GALNT4: variants seen among roughly 807,000 people sequenced by gnomAD.
GALNT4 encodes the protein polypeptide N-acetylgalactosaminyltransferase 4.
Under a neutral mutation model 45.1 loss-of-function variants are expected in GALNT4, and 23 were observed. The observed-to-expected ratio is 0.51, with a 90% CI of 0.37 to 0.72. The LOEUF is 0.72. Among genes scored for constraint, GALNT4 ranks in the 30% least tolerant of loss-of-function variants. GALNT4 has a pLI of 0.00. For synonymous variants in GALNT4, 264 were observed against 257.6 expected (o/e 1.02, Z -0.24); for missense variants, 757 against 709.0 (o/e 1.07, Z -0.77).
Position 89,520,576 on chromosome 12 carries a change from A to C in GALNT4, c.*2237T>G, listed in dbSNP as rs1870767214. On this transcript the variant is annotated 3_prime_UTR_variant, in exon 1 of 1. Transcript: ENST00000529983. The stretch of plus-strand genomic sequence containing the variant: ...GTGGAATCTGGACAATTTTTTGATA[A>C]ACTTTAAGGCTGCTAAATAATTTAC... 1 of 152,210 alleles carries C rather than the reference A, an allele frequency of 6.6e-6. No individual in the cohort carries two copies. The allele number at this position is 152,210 out of a possible 1,614,324, so 9.4% of individuals were successfully genotyped here.
rs748584112 is a variant in GALNT4, at chr12:89,524,447, A to AG, written c.102dup (p.Ser35LeufsTer31). 1 of 1,613,858 alleles carries AG rather than the reference A, an allele frequency of 6.2e-7. No homozygotes were observed. Among genetic ancestry groups the AG allele is most frequent in the Admixed American group, 1.7e-5 (1 of 60,026 alleles). ...TCCCTGGCACGGCCGGCTCCTGCGG[A>AG]GGCATGAAAAGTAGAGACCAAGAGC... is the stretch of plus-strand genomic sequence containing the variant. On this transcript the variant is annotated frameshift_variant, in exon 1 of 1. Transcript: ENST00000529983. LOFTEE classifies it high-confidence loss of function.
In GALNT4 at chr12:89,523,253, G is replaced by C; in HGVS notation, c.1297C>G (p.Pro433Ala). The change falls in exon 1 of 1, where the codon CCT (proline) becomes GCT (alanine). Residue 433 changes from proline (P) to alanine (A), a missense_variant. Physicochemically the swap from Pro to Ala is conservative, Grantham distance 27 (BLOSUM62 -1). Coordinates refer to ENST00000529983, the MANE Select transcript of GALNT4 (RefSeq NM_003774.5). ...CTATCCTCTGGAACATGTAAATTAG[G>C]AAAAACGTTTTTCAAATACCAGTCA... ...SFDWYLKNVF[P>A]NLHVPEDRPG... 6.2e-7 allele frequency: 1 copy of C among 1,614,028 alleles called. No homozygotes were observed. Among genetic ancestry groups the C allele is most frequent in the East Asian group, 2.2e-5 (1 of 44,886 alleles).
Position 89,522,774 on chromosome 12 carries a change from G to T in GALNT4, c.*39C>A, listed in dbSNP as rs774490320. ...GCTCTTAAGGCTCTTTGACTTTCTT[G>T]ACACTACTGTCAGCTCATGACGAAA... On this transcript the variant is annotated 3_prime_UTR_variant, in exon 1 of 1. Coordinates refer to ENST00000529983, the MANE Select transcript of GALNT4 (RefSeq NM_003774.5). The T allele has an allele frequency of 1.3e-6, 2 of 1,523,956 alleles. No individual in the cohort carries two copies. The highest frequency in any genetic ancestry group is 8.8e-7 in the Non-Finnish European group (1 of 1,140,092). The allele number at this position is 1,523,956 out of a possible 1,614,324, so 94.4% of individuals were successfully genotyped here. A position where few individuals can be genotyped will look rare whatever the true frequency, so the allele number is the denominator to read the frequency against.
rs1445659824 is a variant in GALNT4, at chr12:89,523,397, C to T, written c.1153G>A (p.Val385Ile). The T allele has an allele frequency of 6.2e-7, 1 of 1,614,066 alleles. No individual in the cohort carries two copies. The highest frequency in any genetic ancestry group is 8.5e-7 in the Non-Finnish European group (1 of 1,179,902). The stretch of plus-strand genomic sequence containing the variant: ...TGCTCTTTGTATTCATCCATCCAAA[C>T]TTCTGCTGCCCGAGCAGTATTCTGT... ...FLQNTARAAE[V>I]WMDEYKEHFY... The change falls in exon 1 of 1, where the codon GTT (valine) becomes ATT (isoleucine). Residue 385 changes from valine (V) to isoleucine (I), a missense_variant. Physicochemically the swap from Val to Ile is conservative, Grantham distance 29. Coordinates refer to ENST00000529983, the MANE Select transcript of GALNT4 (RefSeq NM_003774.5).
In GALNT4 at chr12:89,519,926, G is replaced by GT. The variant is rs1264402386; in HGVS notation, c.*2886dup. The GT allele has an allele frequency of 6.6e-5, 10 of 152,072 alleles. No homozygotes were observed. The highest frequency in any genetic ancestry group is 2.2e-4 in the African/African-American group (9 of 41,424). 9.4% of individuals were successfully genotyped at this position (152,072 alleles called of 1,614,324 possible). On this transcript the variant is annotated 3_prime_UTR_variant, in exon 1 of 1. Coordinates refer to ENST00000529983, the MANE Select transcript of GALNT4 (RefSeq NM_003774.5). ...GTCTACCAAATATTTTCCTAAAACT[G>GT]TTTTTAAGCATATACATTAACTTAA...
In GALNT4 at chr12:89,524,254, C is replaced by G; in HGVS notation, c.296G>C (p.Arg99Thr). 1 of 1,613,974 alleles carries G rather than the reference C, an allele frequency of 6.2e-7. No individual in the cohort carries two copies. The highest frequency in any genetic ancestry group is 8.5e-7 in the Non-Finnish European group (1 of 1,179,868). Reference protein sequence around the residue: ...ELKQQEELIERYAINIYLSDR... With the variant: ...ELKQQEELIETYAINIYLSDR... Reference sequence around the variant, plus strand: ...ACTGAGGTAAATATTGATGGCGTATCTCTCAATGAGTTCTTCTTGCTGCTT... The same window carrying G: ...ACTGAGGTAAATATTGATGGCGTATGTCTCAATGAGTTCTTCTTGCTGCTT... Residue 99 changes from arginine (R) to threonine (T), a missense_variant, in exon 1 of 1, where the codon AGA (arginine) becomes ACA (threonine). Arg to Thr is a moderately conservative substitution (Grantham distance 71). Transcript: ENST00000529983.
rs757123260 is a variant in GALNT4, at chr12:89,523,909, CCAAT to C, written c.637_640del (p.Ile213GlyfsTer43). 6.9e-6 allele frequency: 11 copies of C among 1,595,724 alleles called. No individual in the cohort carries two copies. The highest frequency in any genetic ancestry group is 8.5e-6 in the Non-Finnish European group (10 of 1,173,290). On this transcript the variant is annotated frameshift_variant, in exon 1 of 1. Coordinates refer to ENST00000529983, the MANE Select transcript of GALNT4 (RefSeq NM_003774.5). LOFTEE classifies it high-confidence loss of function. ...GACGTCCCCAGTGGCGAAAGTGGCC[CCAAT>C]CAGACGGGCCCTAACCAGCCCCTCT...
Position 89,522,615 on chromosome 12 carries a change from T to C in GALNT4, c.*198A>G, listed in dbSNP as rs550328256. The C allele has an allele frequency of 2.9e-4, 146 of 498,434 alleles. No individual in the cohort carries two copies. Among genetic ancestry groups the C allele is most frequent in the African/African-American group, 2.8e-3 (139 of 50,264 alleles). 30.9% of individuals were successfully genotyped at this position (498,434 alleles called of 1,614,324 possible). The stretch of plus-strand genomic sequence containing the variant: ...TATAAAACAACCAATAAGTAAGGCA[T>C]TGTGAAATATTAAACAGCAGCACTC... On this transcript the variant is annotated 3_prime_UTR_variant, in exon 1 of 1. Transcript: ENST00000529983.
chr12:89,522,400 C>T lies in GALNT4; in HGVS notation c.*413G>A. On this transcript the variant is annotated 3_prime_UTR_variant, in exon 1 of 1. Coordinates refer to ENST00000529983, the MANE Select transcript of GALNT4 (RefSeq NM_003774.5). ...TTCTATGTAATCAAAATAGCAATGG[C>T]TCAAACTGCACATTCATGAGTTTTG... 5.3e-6 allele frequency: 2 copies of T among 380,636 alleles called. No individual in the cohort carries two copies. Among genetic ancestry groups the T allele is most frequent in the Non-Finnish European group, 9.3e-6 (2 of 215,776 alleles). The allele number at this position is 380,636 out of a possible 1,614,324, so 23.6% of individuals were successfully genotyped here. A position where few individuals can be genotyped will look rare whatever the true frequency, so the allele number is the denominator to read the frequency against.
chr12:89,520,775 T>C lies in GALNT4; in HGVS notation c.*2038A>G, dbSNP rs544216244. The C allele has an allele frequency of 1.3e-5, 2 of 152,330 alleles. No homozygotes were observed. The highest frequency in any genetic ancestry group is 2.4e-5 in the African/African-American group (1 of 41,576). 9.4% of individuals were successfully genotyped at this position (152,330 alleles called of 1,614,324 possible). ...CACTAAAAGCAACTTTACTCGTGAA[T>C]ACAGTGGACTCTTTACGAGGCATGC... On this transcript the variant is annotated 3_prime_UTR_variant, in exon 1 of 1. Coordinates refer to ENST00000529983, the MANE Select transcript of GALNT4 (RefSeq NM_003774.5).
chr12:89,521,916 A>T lies in GALNT4; in HGVS notation c.*897T>A, dbSNP rs1870912357. Reference sequence around the variant, plus strand: ...CAGTTTCACACATTTTAATAAACATAGTTGGGTTTAACTTCAGAGAGGCTT... The same window carrying T: ...CAGTTTCACACATTTTAATAAACATTGTTGGGTTTAACTTCAGAGAGGCTT... On this transcript the variant is annotated 3_prime_UTR_variant, in exon 1 of 1. Transcript: ENST00000529983. 2.5e-6 allele frequency: 1 copy of T among 398,376 alleles called. No homozygotes were observed. The allele number at this position is 398,376 out of a possible 1,614,324, so 24.7% of individuals were successfully genotyped here.
rs887272219 is a variant in GALNT4, at chr12:89,524,690, C to A, written c.-141G>T. ...GGCGCTAGGCTCCTTTCCAGCCACCCAGGCTTTCCAGGGGTCACCTGAGCC... is the reference window on the plus strand; with the variant it reads ...GGCGCTAGGCTCCTTTCCAGCCACCAAGGCTTTCCAGGGGTCACCTGAGCC... On this transcript the variant is annotated 5_prime_UTR_variant, in exon 1 of 1. Coordinates refer to ENST00000529983, the MANE Select transcript of GALNT4 (RefSeq NM_003774.5). The A allele has an allele frequency of 3.4e-6, 3 of 870,134 alleles. No homozygotes were observed. The highest frequency in any genetic ancestry group is 5.3e-6 in the Non-Finnish European group (3 of 565,280). 53.9% of individuals were successfully genotyped at this position (870,134 alleles called of 1,614,324 possible).
In GALNT4 at chr12:89,521,721, C is replaced by G; in HGVS notation, c.*1092G>C. On this transcript the variant is annotated 3_prime_UTR_variant, in exon 1 of 1. Transcript: ENST00000529983. The stretch of plus-strand genomic sequence containing the variant: ...ATTCATTCAGTCATTCATTCACCCA[C>G]TTACTGAAAGCTGCCTAAGTGCCAG... 1 of 303,374 alleles carries G rather than the reference C, an allele frequency of 3.3e-6. No individual in the cohort carries two copies. The highest frequency in any genetic ancestry group is 2.1e-5 in the African/African-American group (1 of 46,932). 18.8% of individuals were successfully genotyped at this position (303,374 alleles called of 1,614,324 possible).
Position 89,524,094 on chromosome 12 carries a change from G to A in GALNT4, c.456C>T (p.Leu152=). The A allele has an allele frequency of 6.2e-7, 1 of 1,613,998 alleles. No homozygotes were observed. The highest frequency in any genetic ancestry group is 8.5e-7 in the Non-Finnish European group (1 of 1,179,884). ...TTTCTAAAACACTGTGAATGGTACG[G>A]AGCAAAGTCGACCAGGCTTCGTTAT... ...AFYNEAWSTL[L]RTIHSVLETS... The change falls in exon 1 of 1, where the codon CTC becomes CTT. Residue 152 remains leucine, a synonymous_variant. Coordinates refer to ENST00000529983, the MANE Select transcript of GALNT4 (RefSeq NM_003774.5).
In GALNT4 at chr12:89,520,664, A is replaced by G. The variant is rs1411412149; in HGVS notation, c.*2149T>C. 5.9e-5 allele frequency: 9 copies of G among 152,206 alleles called. No individual in the cohort carries two copies. The highest frequency in any genetic ancestry group is 5.9e-4 in the Admixed American group (9 of 15,270). The allele number at this position is 152,206 out of a possible 1,614,324, so 9.4% of individuals were successfully genotyped here. A position where few individuals can be genotyped will look rare whatever the true frequency, so the allele number is the denominator to read the frequency against. On this transcript the variant is annotated 3_prime_UTR_variant, in exon 1 of 1. Transcript: ENST00000529983. ...GAGAAAATATTCAAGATTGCATAGCAATTTTATTTTTTGAAATGGTTATCC... is the reference window on the plus strand; with the variant it reads ...GAGAAAATATTCAAGATTGCATAGCGATTTTATTTTTTGAAATGGTTATCC...
Position 89,524,092 on chromosome 12 carries a change from C to T in GALNT4, c.458G>A (p.Arg153His). The change falls in exon 1 of 1, where the codon CGT becomes CAT. Residue 153 changes from arginine (R) to histidine (H), a missense_variant. By Grantham distance (29) the Arg-to-His change is conservative (BLOSUM62 0). Transcript: ENST00000529983. The part of the protein sequence containing the change: ...FYNEAWSTLL[R>H]TIHSVLETSP... ...AGTTTCTAAAACACTGTGAATGGTA[C>T]GGAGCAAAGTCGACCAGGCTTCGTT... 1.9e-6 allele frequency: 3 copies of T among 1,613,888 alleles called. No homozygotes were observed. The highest frequency in any genetic ancestry group is 1.7e-6 in the Non-Finnish European group (2 of 1,179,854).
chr12:89,523,249 T>C lies in GALNT4; in HGVS notation c.1301A>G (p.Asn434Ser). ...FDWYLKNVFP[N>S]LHVPEDRPGW... is the part of the protein sequence containing the mutation. ...TGGTCTATCCTCTGGAACATGTAAA[T>C]TAGGAAAAACGTTTTTCAAATACCA... The change falls in exon 1 of 1, where the codon AAT (asparagine) becomes AGT (serine). Residue 434 changes from asparagine (N) to serine (S), a missense_variant. Physicochemically the swap from Asn to Ser is conservative, Grantham distance 46. Transcript: ENST00000529983. 1.2e-6 allele frequency: 2 copies of C among 1,614,006 alleles called. No individual in the cohort carries two copies. Among genetic ancestry groups the C allele is most frequent in the East Asian group, 2.2e-5 (1 of 44,888 alleles).
Position 89,524,621 on chromosome 12 carries a change from A to C in GALNT4, c.-72T>G, listed in dbSNP as rs981442378. 6.0e-6 allele frequency: 9 copies of C among 1,499,884 alleles called. No individual in the cohort carries two copies. The African/African-American group carries it at 9.7e-5, about 16-fold the overall frequency. 92.9% of individuals were successfully genotyped at this position (1,499,884 alleles called of 1,614,324 possible). On this transcript the variant is annotated 5_prime_UTR_variant, in exon 1 of 1. Transcript: ENST00000529983. ...GCAGGGGAAGGGCGGCGGAACCCACAGCTCGAGCTCAGGTACTTCCCAGCA... is the reference window on the plus strand; with the variant it reads ...GCAGGGGAAGGGCGGCGGAACCCACCGCTCGAGCTCAGGTACTTCCCAGCA...
Position 89,522,651 on chromosome 12 carries a change from G to A in GALNT4, c.*162C>T. On this transcript the variant is annotated 3_prime_UTR_variant, in exon 1 of 1. Coordinates refer to ENST00000529983, the MANE Select transcript of GALNT4 (RefSeq NM_003774.5). ...TAAACAGCAGCACTCTGGGTACCCAGTTTCAGTGTGATATACCAAAATGAA... is the reference window on the plus strand; with the variant it reads ...TAAACAGCAGCACTCTGGGTACCCAATTTCAGTGTGATATACCAAAATGAA... 1.2e-6 allele frequency: 1 copy of A among 803,548 alleles called. No homozygotes were observed. Among genetic ancestry groups the A allele is most frequent in the Non-Finnish European group, 1.8e-6 (1 of 559,834 alleles). The allele number at this position is 803,548 out of a possible 1,614,324, so 49.8% of individuals were successfully genotyped here.
Sources: gnomAD v4.1 joint callset for allele counts on GRCh38, gnomAD v4.1.1 for gene constraint, MANE v1.5 for transcripts, NCBI Gene and HGNC (gene_info 2026-07-23, HGNC 2026-07-21) for gene names.